The following COMMD1 variants were observed in gnomAD, a reference collection of about 807,000 sequenced individuals.
COMMD1 encodes the protein COMM domain-containing protein 1.
Under a neutral mutation model 17.2 loss-of-function variants are expected in COMMD1, and 10 were observed. The observed-to-expected ratio is 0.58, with a 90% CI of 0.36 to 0.99. COMMD1 has a LOEUF of 0.99. Ranked by LOEUF, COMMD1 falls within the 50% of genes least tolerant of loss-of-function variation. The pLI, the probability that COMMD1 is intolerant of heterozygous loss-of-function variation, is 0.01. For synonymous variants in COMMD1, 97 were observed against 91.6 expected, an observed-to-expected ratio of 1.06 and a Z score of -0.34; for missense variants, 270 against 231.8, an observed-to-expected ratio of 1.17 and a Z score of -1.07.
intron 2 of COMMD1, among the ~76,000 whole-genome samples, chr2:62,030,930 A>T (rs2103875031): frequency 6.6e-6 from 1 of 152,306 alleles, no homozygotes; most frequent in Middle Eastern, 3.4e-3. Flanking sequence ...ATTTAGGTTT[A>T]CAGTTTATAG....
intron 1 of COMMD1, among the ~76,000 whole-genome samples, chr2:61,927,135 A>G (rs1334379822): frequency 6.6e-6 from 1 of 152,206 alleles, no homozygotes; most frequent in Non-Finnish European, 1.5e-5. Context: ...TCAAAAAGTT[A>G]CTTTCCTTGT....
intron 2 of COMMD1, among the ~76,000 whole-genome samples, chr2:62,076,737 A>G (rs906565748): frequency 1.3e-5 from 2 of 152,152 alleles, no homozygotes; most frequent in African/African-American, 4.8e-5. Flanking sequence ...AAAGAGCAAG[A>G]CTCCATCTCA....
At chr2:62,086,592 ATACT>A (rs1450290034) in intron 2 of COMMD1, among the ~76,000 whole-genome samples, 1 of 152,204 alleles carries the variant, frequency 6.6e-6, no homozygotes, top group Admixed American at 6.5e-5. Flanking sequence ...TGCTTAATAA[ATACT>A]TAATGATAAT....
chr2:61,963,850 C>T (rs559666954), intron 1 of COMMD1, among the ~76,000 whole-genome samples: 34 of 152,306 alleles, frequency 2.2e-4, no homozygotes, highest in Non-Finnish European at 4.1e-4. Flanking sequence ...TTGCACTTTA[C>T]CTACCAGTTT....
chr2:62,038,576 C>T (rs1013347935), intron 2 of COMMD1, among the ~76,000 whole-genome samples: 3 of 151,820 alleles, frequency 2.0e-5, no homozygotes, highest in Non-Finnish European at 4.4e-5. Context: ...GAGACGGAGT[C>T]TTGCTCTGTT....
intron 2 of COMMD1, among the ~76,000 whole-genome samples, chr2:62,010,700 T>A (rs1304714492): frequency 2.0e-5 from 3 of 152,138 alleles, no homozygotes; most frequent in Admixed American, 6.5e-5. Context: ...CCTACCCACA[T>A]CCATTCCACC....
intron 2 of COMMD1, among the ~76,000 whole-genome samples, chr2:62,009,340 C>T (rs548366738): frequency 1.3e-5 from 2 of 152,214 alleles, no homozygotes; most frequent in African/African-American, 4.8e-5. Context: ...CATGGTGGCT[C>T]ATGCCTGTAA....
chr2:62,065,236 A>G (rs1670997856), intron 2 of COMMD1, among the ~76,000 whole-genome samples: 1 of 151,588 alleles, frequency 6.6e-6, no homozygotes, highest in African/African-American at 2.4e-5. Flanking sequence ...TTGAAATTCT[A>G]TCAATAGCCT....
At chr2:61,913,967 C>G (rs1288833401) in intron 1 of COMMD1, among the ~76,000 whole-genome samples, 1 of 151,984 alleles carries the variant, frequency 6.6e-6, no homozygotes, top group Non-Finnish European at 1.5e-5. Context: ...GTCAGGAGAT[C>G]AAGACCATCC....
intron 1 of COMMD1, among the ~76,000 whole-genome samples, chr2:61,946,130 T>C (rs936336306): frequency 6.6e-6 from 1 of 152,180 alleles, no homozygotes; most frequent in Non-Finnish European, 1.5e-5. Context: ...TACACAGATA[T>C]AACTTAAGAG....
chr2:61,932,563 A>G (rs1383652003), intron 1 of COMMD1, among the ~76,000 whole-genome samples: 1 of 152,232 alleles, frequency 6.6e-6, no homozygotes, highest in African/African-American at 2.4e-5. Context: ...TGTGTTCTCC[A>G]GATTTCATAT....
At chr2:62,048,344 G>A (rs958325178) in intron 2 of COMMD1, among the ~76,000 whole-genome samples, 4 of 151,804 alleles carry the variant, frequency 2.6e-5, no homozygotes, top group Admixed American at 6.6e-5. Flanking sequence ...CACCACACCC[G>A]GCTAATATTT....
chr2:61,946,481 C>T (rs1670910089), intron 1 of COMMD1, among the ~76,000 whole-genome samples: 1 of 152,098 alleles, frequency 6.6e-6, no homozygotes, highest in African/African-American at 2.4e-5. Flanking sequence ...TCCAATAAGA[C>T]ACAGAATCTT....
intron 2 of COMMD1, among the ~76,000 whole-genome samples, chr2:62,055,890 G>A (rs1030590468): frequency 6.6e-6 from 1 of 152,222 alleles, no homozygotes; most frequent in African/African-American, 2.4e-5. Flanking sequence ...CGCAGTCCAG[G>A]TTGATGAGTC....
intron 1 of COMMD1, among the ~76,000 whole-genome samples, chr2:61,981,106 C>G (rs1441231262): frequency 3.9e-5 from 6 of 152,030 alleles, no homozygotes; most frequent in Non-Finnish European, 7.4e-5. Flanking sequence ...TGGATTGTCT[C>G]TTCCCTTTGT....
chr2:62,093,983 C>A (rs928233187), intron 2 of COMMD1, among the ~76,000 whole-genome samples: 3 of 152,170 alleles, frequency 2.0e-5, no homozygotes, highest in Non-Finnish European at 2.9e-5. Flanking sequence ...TTGATTATGT[C>A]TGTTATGGAA....
At chr2:61,975,858 A>G (rs1292247910) in intron 1 of COMMD1, among the ~76,000 whole-genome samples, 1 of 152,030 alleles carries the variant, frequency 6.6e-6, no homozygotes, top group Non-Finnish European at 1.5e-5. Context: ...TTCTTTTACA[A>G]TTGTTAAGTT....
intron 1 of COMMD1, among the ~76,000 whole-genome samples, chr2:61,934,895 G>A (rs938818346): frequency 6.6e-5 from 10 of 152,150 alleles, no homozygotes; most frequent in Non-Finnish European, 1.5e-4. Flanking sequence ...TGAGATTACA[G>A]GCATGAGCTG....
chr2:62,024,535 G>A (rs1345115719), intron 2 of COMMD1, among the ~76,000 whole-genome samples: 1 of 152,146 alleles, frequency 6.6e-6, no homozygotes, highest in Non-Finnish European at 1.5e-5. Flanking sequence ...TCTTTCAGGA[G>A]GAACTTTGAA....
Sources: gnomAD v4.1 joint callset for allele counts (sites outside exome capture counted in the v4.1 genomes callset) on GRCh38, gnomAD v4.1.1 for gene constraint, MANE v1.5 for transcripts, NCBI Gene and HGNC (gene_info 2026-07-23, HGNC 2026-07-21) for gene names.